The following MALRD1 variants were observed in gnomAD, a reference collection of about 807,000 sequenced individuals.
MALRD1 encodes the protein MAM and LDL receptor class A domain containing 1, also known as MAM and LDL-receptor class A domain-containing protein 1.
A neutral mutation model predicts 242.1 loss-of-function variants in MALRD1; 247 were observed. That is an observed-to-expected ratio of 1.02 (90% confidence interval 0.92 to 1.13). The LOEUF (loss-of-function observed/expected upper bound fraction) is 1.13. Ranked by LOEUF, MALRD1 falls within the 50% of genes most tolerant of loss-of-function variation. MALRD1 has a pLI of 0.00. For missense variants in MALRD1, 2,989 were observed against 2,533.1 expected (o/e 1.18, Z -3.86); for synonymous variants, 995 against 866.6 (o/e 1.15, Z -2.60).
At chr10:19,367,294 C>A (rs1050708750) in intron 26 of MALRD1, among the ~76,000 whole-genome samples, 1 of 152,056 alleles carries the variant, frequency 6.6e-6, no homozygotes, top group African/African-American at 2.4e-5. Flanking sequence ...CCTCTAGTAT[C>A]CTCTGTTCTA....
At chr10:19,724,372 A>T (rs1431529471) in intron 38 of MALRD1, among the ~76,000 whole-genome samples, 1 of 152,246 alleles carries the variant, frequency 6.6e-6, no homozygotes, top group Non-Finnish European at 1.5e-5. Flanking sequence ...GAAACAAATT[A>T]TAAAAGTGTA....
intron 33 of MALRD1, among the ~76,000 whole-genome samples, chr10:19,594,294 A>C (rs978584693): frequency 2.0e-5 from 3 of 152,188 alleles, no homozygotes; most frequent in Admixed American, 6.5e-5. Flanking sequence ...TTTAAGAAAT[A>C]TTGTACTGAT....
At chr10:19,689,639 T>A (rs971544469) in intron 36 of MALRD1, among the ~76,000 whole-genome samples, 16 of 152,262 alleles carry the variant, frequency 1.1e-4, no homozygotes, top group Admixed American at 5.2e-4. Flanking sequence ...AAAAATTATC[T>A]TATACAACGA....
intron 29 of MALRD1, among the ~76,000 whole-genome samples, chr10:19,461,687 T>A (rs201732096): frequency 7.3e-4 from 99 of 135,364 alleles, no homozygotes; most frequent in East Asian, 5.5e-3. Flanking sequence ...CTACAAAAAA[T>A]TTTAAAAATT....
intron 28 of MALRD1, among the ~76,000 whole-genome samples, chr10:19,400,173 G>A (rs531257164): frequency 2.0e-5 from 3 of 152,210 alleles, no homozygotes; most frequent in African/African-American, 4.8e-5. Context: ...AAAAAGCAAC[G>A]GTATGGCATG....
At chr10:19,053,863 G>A (rs1297281455) in intron 1 of MALRD1, among the ~76,000 whole-genome samples, 6 of 151,414 alleles carry the variant, frequency 4.0e-5, no homozygotes, top group African/African-American at 1.5e-4. Flanking sequence ...TTCTTTTTTA[G>A]AATATGTAAA....
At chr10:19,354,832 A>G (rs1300062942) in intron 26 of MALRD1, among the ~76,000 whole-genome samples, 1 of 152,180 alleles carries the variant, frequency 6.6e-6, no homozygotes, top group Non-Finnish European at 1.5e-5. Context: ...ATTACACATC[A>G]CATGCTTGTA....
intron 26 of MALRD1, among the ~76,000 whole-genome samples, chr10:19,359,225 A>T (rs1443254524): frequency 6.6e-6 from 1 of 152,162 alleles, no homozygotes; most frequent in Non-Finnish European, 1.5e-5. Context: ...TTCCAAATTA[A>T]TGTTTTCCCA....
chr10:19,096,094 C>T (rs1410403300), intron 4 of MALRD1, among the ~76,000 whole-genome samples: 1 of 152,066 alleles, frequency 6.6e-6, no homozygotes, highest in Non-Finnish European at 1.5e-5. Flanking sequence ...GTTTTTTGAT[C>T]AAGGTCTCTA....
chr10:19,316,148 A>G (rs140823299), intron 21 of MALRD1, among the ~76,000 whole-genome samples: 181 of 150,206 alleles, frequency 1.2e-3, no homozygotes, highest in Admixed American at 3.0e-3. Context: ...GTAAATTTAC[A>G]TAATTTACTA....
intron 14 of MALRD1, among the ~76,000 whole-genome samples, chr10:19,188,248 G>A (rs1415335969): frequency 6.6e-6 from 1 of 152,156 alleles, no homozygotes; most frequent in Non-Finnish European, 1.5e-5. Context: ...TGGGTTTATT[G>A]ATAGTTGCTA....
At chr10:19,113,792 T>TACAC (rs753384799) in intron 5 of MALRD1, among the ~76,000 whole-genome samples, 8,679 of 134,382 alleles carry the variant, frequency 0.065, 316 homozygotes, top group East Asian at 0.13. Flanking sequence ...TACCACCCCC[T>TACAC]ACACACACAC....
chr10:19,293,134 A>G (rs1018099774), intron 21 of MALRD1, among the ~76,000 whole-genome samples: 1 of 152,202 alleles, frequency 6.6e-6, no homozygotes, highest in Non-Finnish European at 1.5e-5. Flanking sequence ...TTTAGAAGCC[A>G]TAACATTCTC....
chr10:19,128,560 T>G lies in MALRD1; in HGVS notation c.1110+173T>G, dbSNP rs887914048. 4.6e-5 allele frequency among the ~76,000 whole-genome samples: 7 copies of G among 152,170 alleles called. 1 individual carries two copies. Among genetic ancestry groups the G allele is most frequent in the Middle Eastern group, 6.3e-3 (2 of 316 alleles). On this transcript the variant is annotated intron_variant, in intron 8 of 39. Coordinates refer to ENST00000454679, the MANE Select transcript of MALRD1 (RefSeq NM_001142308.3). Reference sequence around the variant, plus strand: ...GAAACTAGGATAGGGGACACTCTCATGTACAAAAGTTAATGTGATAACTTG... The same window carrying G: ...GAAACTAGGATAGGGGACACTCTCAGGTACAAAAGTTAATGTGATAACTTG...
intron 12 of MALRD1, among the ~76,000 whole-genome samples, chr10:19,155,631 A>G (rs1456311269): frequency 3.3e-5 from 5 of 152,324 alleles, no homozygotes; most frequent in Middle Eastern, 3.4e-3. Flanking sequence ...TCAGCAGCAT[A>G]TTAGAGAGGA....
chr10:19,276,940 G>A (rs1260520968), intron 19 of MALRD1, among the ~76,000 whole-genome samples: 4 of 151,892 alleles, frequency 2.6e-5, no homozygotes, highest in Non-Finnish European at 4.4e-5. Flanking sequence ...GGGGTGGGAA[G>A]GTGGGGTCTT....
At chr10:19,581,886 T>C (rs1296491259) in intron 33 of MALRD1, among the ~76,000 whole-genome samples, 1 of 152,168 alleles carries the variant, frequency 6.6e-6, no homozygotes, top group Non-Finnish European at 1.5e-5. Context: ...CACCTGTTGT[T>C]TCCTGACTTT....
upstream of MALRD1, chr10:19,048,626 T>G (rs761374503): frequency 6.7e-5 from 13 of 193,500 alleles, no homozygotes; most frequent in Non-Finnish European, 1.4e-4. Context: ...TTTTTACAAA[T>G]GTCTTTCAGG....
chr10:19,700,210 T>C (rs1280479010), intron 38 of MALRD1, among the ~76,000 whole-genome samples: 1 of 152,108 alleles, frequency 6.6e-6, no homozygotes, highest in East Asian at 1.9e-4. Flanking sequence ...TCTGTTTCCA[T>C]CTCTTCTCTG....
Sources: allele counts gnomAD v4.1 joint callset (sites outside exome capture counted in the v4.1 genomes callset), GRCh38; gene constraint gnomAD v4.1.1; transcripts MANE v1.5; gene names NCBI Gene and HGNC (gene_info 2026-07-23, HGNC 2026-07-21).